CLIP1: variants seen among roughly 807,000 people sequenced by gnomAD.
CLIP1 encodes CAP-Gly domain-containing linker protein 1.
A neutral mutation model predicts 161.6 loss-of-function variants in CLIP1; 66 were observed. The ratio of observed to expected loss-of-function variants is 0.41; its 90% CI spans 0.33 to 0.50. The LOEUF is 0.50. CLIP1 is among the 20% of genes least tolerant of loss of function. CLIP1 has a pLI of 0.27. For synonymous variants in CLIP1, 598 were observed against 626.2 expected, an observed-to-expected ratio of 0.96 and a Z score of 0.67; for missense variants, 1,376 against 1,702.0, an observed-to-expected ratio of 0.81 and a Z score of 3.37.
At chr12:122,334,349 C>G (rs1215746934) in intron 13 of CLIP1, among the ~76,000 whole-genome samples, 2 of 152,238 alleles carry the variant, frequency 1.3e-5, no homozygotes, top group East Asian at 3.8e-4. Context: ...CCACTCATCT[C>G]TCTTTCCTCC....
rs138064731 is a variant in CLIP1 at position 122,355,163 on chromosome 12, C to A, written c.1155G>T (p.Val385=). ...GAGCTAGCTCCTGCTCTATCTCCCC[C>A]ACGTGGCTCGTGGCCTTGGCCACCT... ...RAEVAKATSH[V]GEIEQELALA... The change falls in exon 6 of 26, where the codon GTG becomes GTT. Residue 385 remains valine (V), a synonymous_variant. Transcript: ENST00000620786. This position sits in a 1 kb window ranked among gnomAD's most constrained non-coding sequence, Gnocchi z 4.1. 87 of 1,614,126 alleles carry A rather than the reference C, an allele frequency of 5.4e-5. No individual in the cohort carries two copies. The highest frequency in any genetic ancestry group is 2.7e-4 in the South Asian group (25 of 91,094).
intron 17 of CLIP1, among the ~76,000 whole-genome samples, chr12:122,320,523 C>G (rs931555041): frequency 1.3e-5 from 2 of 151,850 alleles, no homozygotes; most frequent in African/African-American, 4.8e-5. Flanking sequence ...AGGCAGATCA[C>G]AAGGTCAGGA....
intron 3 of CLIP1, among the ~76,000 whole-genome samples, chr12:122,364,461 T>C (rs1440187794): frequency 1.3e-5 from 2 of 151,494 alleles, no homozygotes; most frequent in African/African-American, 4.9e-5. Flanking sequence ...TAGAGTGCAG[T>C]GGCACCATCA....
chr12:122,418,485 G>T (rs1283418107), intron 1 of CLIP1, among the ~76,000 whole-genome samples: 2 of 152,302 alleles, frequency 1.3e-5, no homozygotes, highest in East Asian at 3.9e-4. Context: ...GGGCACGGTG[G>T]CTCATGCCTG....
chr12:122,391,242 C>T (rs902343142), intron 1 of CLIP1, among the ~76,000 whole-genome samples: 1 of 151,836 alleles, frequency 6.6e-6, no homozygotes, highest in African/African-American at 2.4e-5. Flanking sequence ...GAGCTAAGAC[C>T]ATGTCACTGC....
Position 122,336,619 on chromosome 12 carries a change from A to T in CLIP1, c.2568+13T>A. Reference sequence around the variant, plus strand: ...CAGAAACCCTGAGATTCAGATTCCCAACAGGTACTTACCAAAATCTGAAGT... The same window carrying T: ...CAGAAACCCTGAGATTCAGATTCCCTACAGGTACTTACCAAAATCTGAAGT... On this transcript the variant is annotated intron_variant, in intron 12 of 25. Coordinates refer to ENST00000620786, the MANE Select transcript of CLIP1 (RefSeq NM_001247997.2). The T allele has an allele frequency of 7.3e-7, 1 of 1,370,462 alleles. No homozygotes were observed. Among genetic ancestry groups the T allele is most frequent in the Non-Finnish European group, 1.0e-6 (1 of 962,114 alleles). The allele number at this position is 1,370,462 out of a possible 1,614,324, so 84.9% of individuals were successfully genotyped here. A position where few individuals can be genotyped will look rare whatever the true frequency, so the allele number is the denominator to read the frequency against.
intron 10 of CLIP1, among the ~76,000 whole-genome samples, chr12:122,345,517 G>A (rs894005769): frequency 2.7e-5 from 4 of 150,674 alleles, no homozygotes; most frequent in East Asian, 1.9e-4. Flanking sequence ...TTCAGAGGCC[G>A]ATAGTTCCTT....
intron 15 of CLIP1, among the ~76,000 whole-genome samples, chr12:122,330,597 G>GTTTTTTTTTTTTTTTTTTTTTTTTTTT (rs71082966): frequency 3.9e-5 from 4 of 101,382 alleles, no homozygotes; most frequent in African/African-American, 1.8e-4. Context: ...GTATAATGCA[G>GTTTTTTTTTTTTTTTTTTTTTTTTTTT]TTTTTTTTTT....
chr12:122,382,692 G>T (rs1452634320), intron 1 of CLIP1, among the ~76,000 whole-genome samples: 2 of 151,556 alleles, frequency 1.3e-5, no homozygotes, highest in Non-Finnish European at 2.9e-5. Context: ...GTGGTAGAGT[G>T]AGACTATGTC....
intron 1 of CLIP1, among the ~76,000 whole-genome samples, chr12:122,387,571 TATATATATA>T (rs1955357842): frequency 2.4e-4 from 1 of 4,174 alleles, no homozygotes; most frequent in African/African-American, 4.1e-4. Context: ...TATATATATA[TATATATATA>T]TATATATATA....
At chr12:122,383,323 C>G (rs7294849) in intron 1 of CLIP1, among the ~76,000 whole-genome samples, 1 of 152,176 alleles carries the variant, frequency 6.6e-6, no homozygotes, top group East Asian at 1.9e-4. Flanking sequence ...GTCAAGCACT[C>G]CCTAAAGAGG....
chr12:122,380,661 C>A, intron 1 of CLIP1, 103 bp from the exon 2 acceptor site: 1 of 385,748 alleles, frequency 2.6e-6, no homozygotes, highest in Non-Finnish European at 4.7e-6. Context: ...TGACAATAAT[C>A]CATCTCCAGG....
At chr12:122,353,484 A>T (rs936866560) in intron 7 of CLIP1, among the ~76,000 whole-genome samples, 2 of 152,130 alleles carry the variant, frequency 1.3e-5, no homozygotes, top group Admixed American at 1.3e-4. Flanking sequence ...GCATGTTGGC[A>T]TGTGCCTGTG....
At chr12:122,282,671 G>GTA (rs201005420) in intron 21 of CLIP1, among the ~76,000 whole-genome samples, 9 of 144,098 alleles carry the variant, frequency 6.2e-5, no homozygotes, top group African/African-American at 1.7e-4. Flanking sequence ...GTTTGTGTGT[G>GTA]TATATATATA....
chr12:122,414,727 G>A (rs926208969), intron 1 of CLIP1, among the ~76,000 whole-genome samples: 3 of 152,092 alleles, frequency 2.0e-5, no homozygotes, highest in Admixed American at 2.0e-4. Context: ...GCCTCCCAAA[G>A]TGCTGGGATT....
intron 1 of CLIP1, among the ~76,000 whole-genome samples, chr12:122,392,252 T>G (rs953077304): frequency 6.6e-6 from 1 of 152,076 alleles, no homozygotes; most frequent in African/African-American, 2.4e-5. Flanking sequence ...GCCTGGGCAA[T>G]AGAACGAGCC....
intron 20 of CLIP1, among the ~76,000 whole-genome samples, chr12:122,292,489 T>C (rs1419217029): frequency 6.6e-6 from 1 of 152,196 alleles, no homozygotes; most frequent in East Asian, 1.9e-4. Context: ...CCTTGCTTTT[T>C]GGTACACAAA....
At chr12:122,412,649 CGTCTCT>C (rs1956585172) in intron 1 of CLIP1, among the ~76,000 whole-genome samples, 1 of 151,536 alleles carries the variant, frequency 6.6e-6, no homozygotes, top group Admixed American at 6.6e-5. Context: ...AGCGAGACTC[CGTCTCT>C]AAAAAACAAA....
At chr12:122,299,611 G>GAAAAAAAAAAAAAAAAAAAA (rs1491546237) in intron 20 of CLIP1, among the ~76,000 whole-genome samples, 1 of 34,564 alleles carries the variant, frequency 2.9e-5, no homozygotes, top group Non-Finnish European at 4.6e-5. Context: ...AATAAATTCA[G>GAAAAAAAAAAAAAAAAAAAA]CAAAAAAAAA....
Sources: gnomAD v4.1 joint callset for allele counts (sites outside exome capture counted in the v4.1 genomes callset) on GRCh38, gnomAD v4.1.1 for gene constraint, Gnocchi (gnomAD v3.1) non-coding constraint, MANE v1.5 for transcripts, NCBI Gene and HGNC (gene_info 2026-07-23, HGNC 2026-07-21) for gene names.